Variants in KCNIP4 observed in about 807,000 individuals in gnomAD.
KCNIP4 encodes the protein potassium voltage-gated channel interacting protein 4.
In KCNIP4, 12 loss-of-function variants were observed where a neutral mutation model predicts 34.0. The ratio of observed to expected loss-of-function variants is 0.35; its 90% CI spans 0.23 to 0.57. KCNIP4 has a LOEUF of 0.57. Ranked by LOEUF, KCNIP4 falls within the 20% of genes least tolerant of loss-of-function variation. KCNIP4 has a pLI of 0.83. For synonymous variants in KCNIP4, 124 were observed against 102.2 expected (o/e 1.21, Z -1.29); for missense variants, 238 against 311.7 (o/e 0.76, Z 1.78).
intron 1 of KCNIP4, among the ~76,000 whole-genome samples, chr4:21,904,953 G>C (rs1320923973): frequency 1.3e-5 from 2 of 152,066 alleles, no homozygotes; most frequent in African/African-American, 2.4e-5. Context: ...ATAGTACTTA[G>C]AACACAGTGA....
chr4:20,936,109 G>T (rs546441499), intron 1 of KCNIP4, among the ~76,000 whole-genome samples: 2 of 152,044 alleles, frequency 1.3e-5, no homozygotes, highest in Admixed American at 6.6e-5. Flanking sequence ...ACAAATTGGA[G>T]TTAACAGTAT....
intron 1 of KCNIP4, among the ~76,000 whole-genome samples, chr4:21,545,851 C>A (rs142073335): frequency 6.6e-6 from 1 of 152,034 alleles, no homozygotes; most frequent in Non-Finnish European, 1.5e-5. Context: ...CATACGTGTG[C>A]GTGTGTCTTT....
At chr4:21,376,167 C>T (rs1268738620) in intron 1 of KCNIP4, among the ~76,000 whole-genome samples, 1 of 152,124 alleles carries the variant, frequency 6.6e-6, no homozygotes, top group East Asian at 1.9e-4. Context: ...CTTTTGAAAC[C>T]TCTGTGGCAG....
chr4:20,888,790 A>AC (rs1433925913), intron 1 of KCNIP4, among the ~76,000 whole-genome samples: 10 of 152,086 alleles, frequency 6.6e-5, no homozygotes, highest in African/African-American at 2.2e-4. Context: ...TCTCCAAATT[A>AC]AGGGCCTGGC....
At chr4:21,909,790 T>A (rs771690993) in intron 1 of KCNIP4, among the ~76,000 whole-genome samples, 2 of 152,002 alleles carry the variant, frequency 1.3e-5, no homozygotes, top group Admixed American at 6.6e-5. Flanking sequence ...AAAAGTCACA[T>A]CTTACATGGC....
intron 1 of KCNIP4, among the ~76,000 whole-genome samples, chr4:21,590,640 T>C (rs1047351846): frequency 3.3e-5 from 5 of 151,998 alleles, no homozygotes; most frequent in Admixed American, 2.0e-4. Flanking sequence ...GACATAGATA[T>C]ACATATATTA....
At chr4:21,892,468 T>C (rs1247067188) in intron 1 of KCNIP4, among the ~76,000 whole-genome samples, 1 of 151,200 alleles carries the variant, frequency 6.6e-6, no homozygotes, top group Non-Finnish European at 1.5e-5. Flanking sequence ...GTGTGAAAAT[T>C]TCTGGGGCTC....
Position 21,834,076 on chromosome 4 carries a change from C to A in KCNIP4, c.61+114495G>T, listed in dbSNP as rs575649324. On this transcript the variant is annotated intron_variant, in intron 1 of 8. Transcript: ENST00000382152. ...CTTAGGATTGACTTGGCTATGTGGG[C>A]TCTTTTTTGGTTCCATATGAACTTT... Among the ~76,000 whole-genome samples, 9 of 152,194 alleles carry A rather than the reference C, an allele frequency of 5.9e-5. No individual in the cohort carries two copies. The East Asian group carries it at 9.7e-4, about 16-fold the overall frequency.
chr4:21,684,642 T>A (rs1204196955), intron 1 of KCNIP4, among the ~76,000 whole-genome samples: 1 of 152,194 alleles, frequency 6.6e-6, no homozygotes, highest in Non-Finnish European at 1.5e-5. Flanking sequence ...TAATAGTTAA[T>A]CTTATTTTTG....
At chr4:21,899,878 G>A (rs1223173688) in intron 1 of KCNIP4, among the ~76,000 whole-genome samples, 1 of 151,928 alleles carries the variant, frequency 6.6e-6, no homozygotes, top group Non-Finnish European at 1.5e-5. Context: ...GCAATCTACA[G>A]ATTCAATGCA....
At chr4:20,957,037 G>A (rs906062037) in intron 1 of KCNIP4, among the ~76,000 whole-genome samples, 3 of 150,926 alleles carry the variant, frequency 2.0e-5, no homozygotes, top group African/African-American at 4.9e-5. Context: ...GGAAGACAAG[G>A]AAAAAGAAAG....
At chr4:21,762,385 A>C (rs1362193656) in intron 1 of KCNIP4, among the ~76,000 whole-genome samples, 1 of 152,160 alleles carries the variant, frequency 6.6e-6, no homozygotes, top group Non-Finnish European at 1.5e-5. Flanking sequence ...CATTGCATTG[A>C]AATGAAACAA....
intron 1 of KCNIP4, among the ~76,000 whole-genome samples, chr4:21,118,303 G>C (rs1749860279): frequency 6.6e-6 from 1 of 152,112 alleles, no homozygotes; most frequent in South Asian, 2.1e-4. Context: ...AATCAGCCTA[G>C]AGCAGGTAGG....
At chr4:21,084,174 C>T (rs1746224857) in intron 1 of KCNIP4, among the ~76,000 whole-genome samples, 1 of 151,792 alleles carries the variant, frequency 6.6e-6, no homozygotes, top group South Asian at 2.1e-4. Flanking sequence ...CAGTGGCGTG[C>T]TAACACCTGC....
At chr4:21,833,731 A>C (rs360693) in intron 1 of KCNIP4, among the ~76,000 whole-genome samples, 130,395 of 151,782 alleles carry the variant, frequency 0.86, 56,263 homozygotes, top group Admixed American at 0.9. Context: ...TTAGATCTAA[A>C]GTTTAAGTCT....
At chr4:21,422,859 GC>G (rs1252443470) in intron 1 of KCNIP4, among the ~76,000 whole-genome samples, 1 of 152,104 alleles carries the variant, frequency 6.6e-6, no homozygotes, top group African/African-American at 2.4e-5. Context: ...GCAGGTAAGG[GC>G]TCCAGAGTCC....
chr4:21,515,466 G>A (rs530075586), intron 1 of KCNIP4, among the ~76,000 whole-genome samples: 2 of 152,012 alleles, frequency 1.3e-5, no homozygotes, highest in East Asian at 1.9e-4. Flanking sequence ...GCGAAACCCC[G>A]TCTCTACTAA....
chr4:21,151,326 C>T (rs1323075427), intron 1 of KCNIP4, among the ~76,000 whole-genome samples: 2 of 151,400 alleles, frequency 1.3e-5, no homozygotes, highest in African/African-American at 2.4e-5. Context: ...CCCACAATCA[C>T]ATCAGGCCTT....
intron 1 of KCNIP4, among the ~76,000 whole-genome samples, chr4:21,790,672 CAT>C (rs575775751): frequency 3.7e-4 from 56 of 151,800 alleles, no homozygotes; most frequent in Non-Finnish European, 6.6e-4. Flanking sequence ...ACACTGTACT[CAT>C]AAAGTACCTT....
Sources: gnomAD v4.1 joint callset for allele counts (sites outside exome capture counted in the v4.1 genomes callset) on GRCh38, gnomAD v4.1.1 for gene constraint, MANE v1.5 for transcripts, NCBI Gene and HGNC (gene_info 2026-07-23, HGNC 2026-07-21) for gene names.